Variants in KCNN2 observed in about 807,000 individuals in gnomAD.
KCNN2 encodes potassium calcium-activated channel subfamily N member 2, also known as small conductance calcium-activated potassium channel protein 2.
Under a neutral mutation model 55.5 loss-of-function variants are expected in KCNN2, and 24 were observed. The ratio of observed to expected loss-of-function variants is 0.43; its 90% CI spans 0.31 to 0.61. The LOEUF (loss-of-function observed/expected upper bound fraction) is 0.61. Ranked by LOEUF, KCNN2 falls within the 20% of genes least tolerant of loss-of-function variation. The pLI, the probability that KCNN2 is intolerant of heterozygous loss-of-function variation, is 0.08. For missense variants in KCNN2, 754 were observed against 853.6 expected (o/e 0.88, Z 1.45); for synonymous variants, 431 against 336.1 (o/e 1.28, Z -3.09).
chr5:114,253,785 C>T (rs1420304307), intron 2 of KCNN2: 4 of 152,068 alleles, frequency 2.6e-5, no homozygotes, highest in Admixed American at 6.6e-5. Flanking sequence ...CCATTTCTAC[C>T]TTTTTTACAC....
chr5:114,416,013 C>T (rs1759293330), intron 3 of KCNN2, among the ~76,000 whole-genome samples: 1 of 152,278 alleles, frequency 6.6e-6, no homozygotes, highest in South Asian at 2.1e-4. Context: ...CATGCCTCTT[C>T]TTGCTGCCCT....
intron 2 of KCNN2, among the ~76,000 whole-genome samples, chr5:114,386,848 A>G (rs892273683): frequency 1.3e-5 from 2 of 152,210 alleles, no homozygotes; most frequent in Admixed American, 6.5e-5. Context: ...GCATTTATCA[A>G]CAAGGTTGGT....
At chr5:114,263,918 A>G (rs1372037405) in intron 2 of KCNN2, among the ~76,000 whole-genome samples, 2 of 152,120 alleles carry the variant, frequency 1.3e-5, no homozygotes, top group African/African-American at 4.8e-5. Context: ...TTATTAAGAC[A>G]CCCTTATTCA....
intron 5 of KCNN2, among the ~76,000 whole-genome samples, chr5:114,478,491 G>A (rs1762074143): frequency 6.6e-6 from 1 of 151,880 alleles, no homozygotes; most frequent in Non-Finnish European, 1.5e-5. Context: ...TATCATCCAG[G>A]AGAATTTCCT....
At chr5:114,265,829 G>T (rs968175082) in intron 2 of KCNN2, among the ~76,000 whole-genome samples, 1 of 152,114 alleles carries the variant, frequency 6.6e-6, no homozygotes, top group East Asian at 1.9e-4. Context: ...GAACACTGGT[G>T]TTTGTTGACT....
chr5:114,227,981 T>C (rs1050283677), intron 2 of KCNN2, among the ~76,000 whole-genome samples: 2 of 149,130 alleles, frequency 1.3e-5, no homozygotes, highest in Non-Finnish European at 3.0e-5. Flanking sequence ...CAAACAATGA[T>C]TGATGATGAT....
Position 114,479,620 on chromosome 5 carries a change from A to G in KCNN2, c.1890+6456A>G, listed in dbSNP as rs540642710. Among the ~76,000 whole-genome samples the G allele has an allele frequency of 2.6e-5, 4 of 152,316 alleles. No homozygotes were observed. The East Asian group carries it at 5.8e-4, about 22-fold the overall frequency. Reference sequence around the variant, plus strand: ...TGGCACTTAATGTAAAATTGGTGACATAATCAGAAGTATAACACTCCTCAG... The same window carrying G: ...TGGCACTTAATGTAAAATTGGTGACGTAATCAGAAGTATAACACTCCTCAG... On this transcript the variant is annotated intron_variant, in intron 5 of 7. Transcript: ENST00000673685.
In KCNN2 at chr5:114,496,059, CAT is replaced by C. The variant is rs1561421251; in HGVS notation, c.2254_2255del (p.Ile752Ter). On this transcript the variant is annotated frameshift_variant, in exon 8 of 8. Coordinates refer to ENST00000673685, the MANE Select transcript of KCNN2 (RefSeq NM_021614.4). LOFTEE classifies it high-confidence loss of function. ...QTIRQQQRDF[I>X]EAQMESYDKH... ...CCATCAGGCAGCAGCAGAGAGATTT[CAT>C]TGAGGCTCAGATGGAGAGCTACGAC... 1 of 1,614,078 alleles carries C rather than the reference CAT, an allele frequency of 6.2e-7. No individual in the cohort carries two copies. Among genetic ancestry groups the C allele is most frequent in the Non-Finnish European group, 8.5e-7 (1 of 1,179,982 alleles).
intron 2 of KCNN2, among the ~76,000 whole-genome samples, chr5:114,399,482 C>T (rs1758718284): frequency 6.6e-6 from 1 of 152,162 alleles, no homozygotes; most frequent in South Asian, 2.1e-4. Flanking sequence ...TTTTGATGTG[C>T]TGCTGGATTC....
chr5:114,468,022 C>G (rs1162451232), intron 4 of KCNN2, among the ~76,000 whole-genome samples: 1 of 152,072 alleles, frequency 6.6e-6, no homozygotes, highest in African/African-American at 2.4e-5. Context: ...GCTCGGGTTG[C>G]CCAGGCCCAG....
At chr5:114,317,313 G>T (rs183761036) in intron 2 of KCNN2, among the ~76,000 whole-genome samples, 67 of 151,412 alleles carry the variant, frequency 4.4e-4, no homozygotes, top group Middle Eastern at 3.4e-3. Context: ...AGCTTATATC[G>T]TCGGACCTGC....
At chr5:114,415,670 T>C (rs1446727247) in intron 3 of KCNN2, among the ~76,000 whole-genome samples, 1 of 152,242 alleles carries the variant, frequency 6.6e-6, no homozygotes, top group African/African-American at 2.4e-5. Flanking sequence ...TAAGTGATCA[T>C]TAGTTCTTTG....
At chr5:114,269,054 T>G (rs1285919096) in intron 2 of KCNN2, among the ~76,000 whole-genome samples, 1 of 151,876 alleles carries the variant, frequency 6.6e-6, no homozygotes, top group African/African-American at 2.4e-5. Context: ...AAAGTCCTTC[T>G]CCAAGCTATC....
chr5:114,422,256 G>A (rs1307319859), intron 3 of KCNN2, among the ~76,000 whole-genome samples: 1 of 152,166 alleles, frequency 6.6e-6, no homozygotes, highest in Non-Finnish European at 1.5e-5. Flanking sequence ...AATTTCCAGT[G>A]TGATAATATT....
At chr5:114,403,601 T>A (rs1234862346) in intron 2 of KCNN2, among the ~76,000 whole-genome samples, 1 of 152,174 alleles carries the variant, frequency 6.6e-6, no homozygotes, top group Non-Finnish European at 1.5e-5. Flanking sequence ...TGGTTGTCTC[T>A]AGACTGCCAG....
intron 5 of KCNN2, among the ~76,000 whole-genome samples, chr5:114,486,105 C>T (rs191020571): frequency 1.2e-4 from 18 of 152,276 alleles, no homozygotes; most frequent in African/African-American, 1.7e-4. Flanking sequence ...TTTTGTCTTC[C>T]GCACTACACT....
At chr5:114,157,856 T>G (rs1189734529) in intron 1 of KCNN2, among the ~76,000 whole-genome samples, 2 of 151,942 alleles carry the variant, frequency 1.3e-5, no homozygotes, top group Non-Finnish European at 2.9e-5. Flanking sequence ...TGGGGTTTTT[T>G]TTTTTCTTGT....
At chr5:114,286,805 C>A (rs1375013246) in intron 2 of KCNN2, among the ~76,000 whole-genome samples, 1 of 152,062 alleles carries the variant, frequency 6.6e-6, no homozygotes, top group Non-Finnish European at 1.5e-5. Flanking sequence ...GATAAAATTT[C>A]CATTTACTGA....
chr5:114,332,962 T>C (rs951220608), intron 2 of KCNN2, among the ~76,000 whole-genome samples: 3 of 152,166 alleles, frequency 2.0e-5, no homozygotes, highest in Non-Finnish European at 2.9e-5. Flanking sequence ...AAATTCCATT[T>C]CTTCCTGCCT....
Sources: allele counts gnomAD v4.1 joint callset (sites outside exome capture counted in the v4.1 genomes callset), GRCh38; gene constraint gnomAD v4.1.1; transcripts MANE v1.5; gene names NCBI Gene and HGNC (gene_info 2026-07-23, HGNC 2026-07-21).